MTOR: variants seen among roughly 807,000 people sequenced by gnomAD.
MTOR encodes mechanistic target of rapamycin kinase, also known as serine/threonine-protein kinase mTOR.
A neutral mutation model predicts 319.8 loss-of-function variants in MTOR; 70 were observed. The ratio of observed to expected loss-of-function variants is 0.22; its 90% CI spans 0.18 to 0.27. The LOEUF (loss-of-function observed/expected upper bound fraction) is 0.27, where lower values mean the gene tolerates loss of function less well. Ranked by LOEUF, MTOR falls within the 10% of genes least tolerant of loss-of-function variation. MTOR has a pLI of 1.00. For missense variants in MTOR, 1,890 were observed against 3,274.4 expected, an observed-to-expected ratio of 0.58 and a Z score of 10.32; for synonymous variants, 1,183 against 1,211.4, an observed-to-expected ratio of 0.98 and a Z score of 0.49.
At chr1:11,139,143 G>T in intron 36 of MTOR, 161 bp downstream of exon 36, 1 of 954,788 alleles carries the variant, frequency 1.0e-6, no homozygotes. Flanking sequence ...TTCACTCTAT[G>T]AAATCAGGCC....
chr1:11,156,534 C>G (rs114253225), intron 30 of MTOR, among the ~76,000 whole-genome samples: 203 of 152,256 alleles, frequency 1.3e-3, no homozygotes, highest in African/African-American at 4.8e-3. Flanking sequence ...TCTCCTAACT[C>G]TCAGTCCTTC....
chr1:11,168,581 A>C (rs1368135603), intron 28 of MTOR, among the ~76,000 whole-genome samples: 1 of 151,616 alleles, frequency 6.6e-6, no homozygotes, highest in Non-Finnish European at 1.5e-5. Context: ...GTTCCCTTCC[A>C]CCCTTTGCAG....
chr1:11,135,712 A>C (rs1643376927), intron 36 of MTOR, among the ~76,000 whole-genome samples: 2 of 151,610 alleles, frequency 1.3e-5, no homozygotes, highest in Non-Finnish European at 2.9e-5. Flanking sequence ...GCGCGCCTGT[A>C]ATCCCAGCTA....
Position 11,212,821 on chromosome 1 carries a change from G to A in MTOR, c.3373C>T (p.Pro1125Ser), listed in dbSNP as rs776748601. ...TTTCGAGATGGCAGTGGAGCTTCAG[G>A]GGCATCAAACAACTTAACAATAGGA... ...LPPIVKLFDA[P>S]EAPLPSRKAA... The change falls in exon 22 of 58, where the codon CCT becomes TCT. Residue 1125 changes from proline (P) to serine (S), a missense_variant. Around this residue, in one of 15 missense-constraint regions of MTOR, gnomAD observed 377 missense variants for 653.9 expected, o/e 0.58. Coordinates refer to ENST00000361445, the MANE Select transcript of MTOR (RefSeq NM_004958.4). This position sits in a 1 kb window ranked among gnomAD's most constrained non-coding sequence, Gnocchi z 4.1. The A allele has an allele frequency of 1.9e-6, 3 of 1,614,008 alleles. No homozygotes were observed. Among genetic ancestry groups the A allele is most frequent in the Non-Finnish European group, 2.5e-6 (3 of 1,179,934 alleles).
At chr1:11,246,027 A>G (rs552296620) in intron 8 of MTOR, among the ~76,000 whole-genome samples, 7 of 152,356 alleles carry the variant, frequency 4.6e-5, no homozygotes, top group East Asian at 3.9e-4. Context: ...TCTAAAGCTT[A>G]TAACATTGAG....
At position 11,209,448 on chromosome 1, in the gene MTOR, A is replaced by G. The variant is rs1018060177; in HGVS notation, c.3665T>C (p.Leu1222Pro). ...LICRIVKGYT[L>P]ADEEEDPLIY... ...CAAAGGATCCTCCTCTTCATCAGCA[A>G]GTGTGTATCCCTACAACCAAAGATT... The change falls in exon 25 of 58, where the codon CTT becomes CCT. Residue 1222 changes from leucine to proline, a missense_variant. Leu to Pro is a moderately conservative substitution (Grantham distance 98). Around this residue, in one of 15 missense-constraint regions of MTOR, gnomAD observed 115 missense variants for 105.7 expected, o/e 1.09. Coordinates refer to ENST00000361445, the MANE Select transcript of MTOR (RefSeq NM_004958.4). 5 of 1,614,190 alleles carry G rather than the reference A, an allele frequency of 3.1e-6. No individual in the cohort carries two copies. Among genetic ancestry groups the G allele is most frequent in the Non-Finnish European group, 4.2e-6 (5 of 1,180,028 alleles).
intron 36 of MTOR, among the ~76,000 whole-genome samples, chr1:11,138,146 G>T (rs1643517209): frequency 1.3e-5 from 2 of 152,182 alleles, no homozygotes; most frequent in Admixed American, 1.3e-4. Flanking sequence ...TCTTCGGCCT[G>T]CCTTAGGCAA....
chr1:11,176,489 A>G (rs1644998134), intron 28 of MTOR, among the ~76,000 whole-genome samples: 1 of 152,148 alleles, frequency 6.6e-6, no homozygotes, highest in Non-Finnish European at 1.5e-5. Context: ...TGGCTTCCCA[A>G]ATGGCTGTGG....
Position 11,108,235 on chromosome 1 carries a change from A to G in MTOR, c.7580T>C (p.Leu2527Pro). ...DTLDVPTQVE[L>P]LIKQATSHEN... ...ATGGGATGTCGCTTGTTTGATGAGC[A>G]GCTCAACTTGCGTTGGAACATCCAA... The change falls in exon 57 of 58, where the codon CTG becomes CCG. Residue 2527 changes from leucine (L) to proline (P), a missense_variant. This residue lies in a region of MTOR where 31 missense variants were observed against 82.1 expected (regional missense o/e 0.38). Transcript: ENST00000361445. 1 of 1,613,984 alleles carries G rather than the reference A, an allele frequency of 6.2e-7. No homozygotes were observed. Among genetic ancestry groups the G allele is most frequent in the Non-Finnish European group, 8.5e-7 (1 of 1,179,880 alleles).
intron 14 of MTOR, among the ~76,000 whole-genome samples, 159 bp from the exon 15 acceptor site, chr1:11,233,646 C>T (rs1647097675): frequency 6.6e-6 from 1 of 152,184 alleles, no homozygotes; most frequent in South Asian, 2.1e-4. Flanking sequence ...AATTCTCAAA[C>T]TTTTCTCCAT....
At position 11,159,407 on chromosome 1, in the gene MTOR, C is replaced by T. The variant is rs182400284; in HGVS notation, c.4330-2116G>A. Among the ~76,000 whole-genome samples, 250 of 152,036 alleles carry T rather than the reference C, an allele frequency of 1.6e-3. 2 individuals carry two copies. Among genetic ancestry groups the T allele is most frequent in the African/African-American group, 5.5e-3 (229 of 41,438 alleles). On this transcript the variant is annotated intron_variant, in intron 29 of 57. Transcript: ENST00000361445. Reference sequence around the variant, plus strand: ...CTGTAATCCCAGCACTTTGGGAGGCCGAGGTGGGAGGATCACCTGAAGTTG... The same window carrying T: ...CTGTAATCCCAGCACTTTGGGAGGCTGAGGTGGGAGGATCACCTGAAGTTG...
At chr1:11,136,474 CCTTTA>C (rs1643423257) in intron 36 of MTOR, among the ~76,000 whole-genome samples, 1 of 151,976 alleles carries the variant, frequency 6.6e-6, no homozygotes, top group African/African-American at 2.4e-5. Flanking sequence ...GATAAATGTT[CCTTTA>C]ATTTTAATTT....
At position 11,259,398 on chromosome 1, in the gene MTOR, G is replaced by C. The variant is rs761376029; in HGVS notation, c.12C>G (p.Thr4=). The C allele has an allele frequency of 1.3e-6, 2 of 1,573,926 alleles. No individual in the cohort carries two copies. Among genetic ancestry groups the C allele is most frequent in the Non-Finnish European group, 1.7e-6 (2 of 1,164,378 alleles). ...CAGCGGTGGTGGCGGCGGCAGGTCC[G>C]GTTCCAAGCATCTTGCCCTGAGGTT... MLG[T]GPAAATTAAT... Residue 4 remains threonine, a synonymous_variant, in exon 2 of 58, where the codon ACC becomes ACG. Transcript: ENST00000361445.
chr1:11,247,562 TG>T, intron 8 of MTOR, 62 bp downstream of exon 8: 1 of 1,463,772 alleles, frequency 6.8e-7, no homozygotes, highest in Non-Finnish European at 9.5e-7. Context: ...TTGGCTTTTC[TG>T]GAATCACCTG....
At chr1:11,153,779 A>G (rs555817867) in intron 30 of MTOR, among the ~76,000 whole-genome samples, 1 of 152,224 alleles carries the variant, frequency 6.6e-6, no homozygotes, top group South Asian at 2.1e-4. Context: ...ATTTAAAAAT[A>G]GCCATAAGGC....
intron 11 of MTOR, among the ~76,000 whole-genome samples, chr1:11,239,629 GCA>G (rs1000376825): frequency 7.9e-5 from 12 of 152,116 alleles, no homozygotes; most frequent in Non-Finnish European, 1.6e-4. Context: ...CGCCAGCCGG[GCA>G]CAGTGGCTCA....
chr1:11,176,162 C>G (rs1467069787), intron 28 of MTOR, among the ~76,000 whole-genome samples: 1 of 152,186 alleles, frequency 6.6e-6, no homozygotes, highest in Non-Finnish European at 1.5e-5. Context: ...TTCCTGCCAC[C>G]TGAAGAGAAA....
At chr1:11,143,518 G>A (rs943067703) in intron 34 of MTOR, among the ~76,000 whole-genome samples, 2 of 152,150 alleles carry the variant, frequency 1.3e-5, no homozygotes, top group African/African-American at 2.4e-5. Context: ...CATTCACTGG[G>A]CATTTCATAA....
At chr1:11,225,748 T>A (rs1053409011) in intron 19 of MTOR, among the ~76,000 whole-genome samples, 2 of 152,130 alleles carry the variant, frequency 1.3e-5, no homozygotes, top group African/African-American at 4.8e-5. Flanking sequence ...AAAAATGCTT[T>A]AACAAATCTC....
Sources: gnomAD v4.1 joint callset for allele counts (sites outside exome capture counted in the v4.1 genomes callset) on GRCh38, gnomAD v4.1.1 for gene constraint, gnomAD v4.1.1 regional missense constraint, Gnocchi (gnomAD v3.1) non-coding constraint, MANE v1.5 for transcripts, NCBI Gene and HGNC (gene_info 2026-07-23, HGNC 2026-07-21) for gene names.